The following SYN2 variants were observed in gnomAD, a reference collection of about 807,000 sequenced individuals.
The protein encoded by SYN2 is synapsin II, also known as synapsin-2.
In SYN2, 19 loss-of-function variants were observed where a neutral mutation model predicts 50.9. That is an observed-to-expected ratio of 0.37 (90% CI 0.26 to 0.55). SYN2 has a LOEUF of 0.55. SYN2 is among the 20% of genes least tolerant of loss of function. The pLI is 0.81. For missense variants in SYN2, 587 were observed against 576.4 expected, an observed-to-expected ratio of 1.02 and a Z score of -0.19; for synonymous variants, 255 against 224.9, an observed-to-expected ratio of 1.13 and a Z score of -1.20.
chr3:12,034,473 A>G (rs1694451500), intron 1 of SYN2, among the ~76,000 whole-genome samples: 1 of 152,184 alleles, frequency 6.6e-6, no homozygotes, highest in African/African-American at 2.4e-5. Flanking sequence ...TTGTGTTGCT[A>G]TAACAGAATA....
chr3:12,110,094 C>G (rs1344674090), intron 1 of SYN2, among the ~76,000 whole-genome samples: 1 of 152,114 alleles, frequency 6.6e-6, no homozygotes, highest in African/African-American at 2.4e-5. Flanking sequence ...GAGGCTGAGA[C>G]AAGAGGGTTG....
chr3:12,105,387 G>A (rs967768065), intron 1 of SYN2, among the ~76,000 whole-genome samples: 8 of 151,734 alleles, frequency 5.3e-5, no homozygotes, highest in Admixed American at 1.3e-4. Context: ...TTATCTATGC[G>A]CCATGGTTGG....
At chr3:12,061,586 T>G (rs1463855097) in intron 1 of SYN2, among the ~76,000 whole-genome samples, 3 of 152,058 alleles carry the variant, frequency 2.0e-5, no homozygotes, top group Non-Finnish European at 4.4e-5. Context: ...ATATATTTTG[T>G]GAAGTAAGAA....
At chr3:12,169,088 A>G (rs1257911197) in intron 9 of SYN2, among the ~76,000 whole-genome samples, 1 of 152,162 alleles carries the variant, frequency 6.6e-6, no homozygotes, top group Non-Finnish European at 1.5e-5. Context: ...TTCAGAATCT[A>G]TCTCATTTCC....
chr3:12,190,650 G>A lies in SYN2; in HGVS notation c.*25G>A. On this transcript the variant is annotated 3_prime_UTR_variant, in exon 13 of 13. Coordinates refer to ENST00000621198, the MANE Select transcript of SYN2 (RefSeq NM_133625.6). ...GCTCTTCAGACACACGGGGCACCCA[G>A]CCCAACCGGGAAAGGCATCTAAGAC... The A allele has an allele frequency of 6.2e-7, 1 of 1,605,088 alleles. No homozygotes were observed. Among genetic ancestry groups the A allele is most frequent in the Non-Finnish European group, 8.5e-7 (1 of 1,176,388 alleles).
Position 12,176,307 on chromosome 3 carries a change from G to A in SYN2, c.1308+6401G>A, listed in dbSNP as rs866550355. ...GGCATCTGGTCCTCTCCTTCATGTG[G>A]CTAATGTTTTTTTCATTTCTCATTA... On this transcript the variant is annotated intron_variant, in intron 10 of 12. Transcript: ENST00000621198. Among the ~76,000 whole-genome samples, 4 of 152,278 alleles carry A rather than the reference G, an allele frequency of 2.6e-5. No homozygotes were observed. In the Middle Eastern group the frequency reaches 0.01, roughly 388 times the overall value.
chr3:12,038,550 A>C (rs1019239931), intron 1 of SYN2, among the ~76,000 whole-genome samples: 10 of 151,968 alleles, frequency 6.6e-5, no homozygotes, highest in African/African-American at 2.2e-4. Context: ...ATGAACACAG[A>C]TTTTTTTCAT....
chr3:12,026,093 C>A (rs1216548481), intron 1 of SYN2, among the ~76,000 whole-genome samples: 1 of 152,116 alleles, frequency 6.6e-6, no homozygotes, highest in East Asian at 1.9e-4. Context: ...TTTCCTAATT[C>A]ATAAGAGAGT....
At chr3:12,131,095 G>A (rs1389435395) in intron 1 of SYN2, among the ~76,000 whole-genome samples, 2 of 152,206 alleles carry the variant, frequency 1.3e-5, no homozygotes, top group African/African-American at 4.8e-5. Context: ...TCTATCTGAG[G>A]AGACAAGTAG....
chr3:12,023,055 C>T (rs307610), intron 1 of SYN2, among the ~76,000 whole-genome samples: 118,730 of 152,054 alleles, frequency 0.78, 46,681 homozygotes, highest in Middle Eastern at 0.89. Context: ...CCCAGGAATA[C>T]GAGAACTGGC....
Position 12,008,705 on chromosome 3 carries a change from C to T in SYN2, c.377+3777C>T, listed in dbSNP as rs1693852309. 2.0e-5 allele frequency among the ~76,000 whole-genome samples: 3 copies of T among 152,204 alleles called. 1 individual carries two copies. In the South Asian group the frequency reaches 6.2e-4, roughly 32 times the overall value. On this transcript the variant is annotated intron_variant, in intron 1 of 12. Transcript: ENST00000621198. The stretch of plus-strand genomic sequence containing the variant: ...TTGTACCAATCTCATTTACTCTTTA[C>T]ATAGCAGTGTAATACTGCAGAAGTT...
intron 1 of SYN2, among the ~76,000 whole-genome samples, chr3:12,096,123 A>T (rs554260281): frequency 2.6e-5 from 4 of 152,294 alleles, no homozygotes; most frequent in African/African-American, 9.6e-5. Context: ...CAAATCTGTT[A>T]TACCTTTAGA....
At chr3:12,126,125 C>G (rs1258493205) in intron 1 of SYN2, among the ~76,000 whole-genome samples, 2 of 152,196 alleles carry the variant, frequency 1.3e-5, no homozygotes, top group Admixed American at 1.3e-4. Flanking sequence ...AGCACAGAAT[C>G]TGGAAACTGG....
chr3:12,084,192 A>G (rs186922329), intron 1 of SYN2, among the ~76,000 whole-genome samples: 93 of 152,164 alleles, frequency 6.1e-4, no homozygotes, highest in Non-Finnish European at 9.3e-4. Flanking sequence ...AACCATTTCT[A>G]ATTTTCTTAA....
intron 1 of SYN2, among the ~76,000 whole-genome samples, chr3:12,107,233 TTCC>T (rs1198370335): frequency 2.0e-5 from 3 of 152,230 alleles, no homozygotes; most frequent in Non-Finnish European, 4.4e-5. Flanking sequence ...GATTAGCCAT[TTCC>T]TCCAGATATC....
intron 1 of SYN2, among the ~76,000 whole-genome samples, chr3:12,052,735 C>T (rs1012561612): frequency 6.6e-6 from 1 of 152,116 alleles, no homozygotes; most frequent in Non-Finnish European, 1.5e-5. Context: ...TAGGAGCCAG[C>T]CTTGGTCATG....
At chr3:12,086,207 A>G (rs1695698168) in intron 1 of SYN2, among the ~76,000 whole-genome samples, 1 of 152,180 alleles carries the variant, frequency 6.6e-6, no homozygotes, top group South Asian at 2.1e-4. Flanking sequence ...AATAATGAGT[A>G]AGGAGATTGA....
rs368939495 is a variant in SYN2, at chr3:12,184,165, T to A, written c.1369+793T>A. ...ATTTCCAGGAATGTGTTCTGTATTTTACATCCCAGTGTACCCTTTATTTTA... is the reference window on the plus strand; with the variant it reads ...ATTTCCAGGAATGTGTTCTGTATTTAACATCCCAGTGTACCCTTTATTTTA... On this transcript the variant is annotated intron_variant, in intron 11 of 12. Coordinates refer to ENST00000621198, the MANE Select transcript of SYN2 (RefSeq NM_133625.6). The A allele has an allele frequency of 1.8e-5, 18 of 985,796 alleles. No individual in the cohort carries two copies. The African/African-American group carries it at 2.6e-4, about 14-fold the overall frequency. The allele number at this position is 985,796 out of a possible 1,614,324, so 61.1% of individuals were successfully genotyped here.
intron 10 of SYN2, among the ~76,000 whole-genome samples, chr3:12,171,186 A>C (rs927666617): frequency 1.3e-5 from 2 of 152,204 alleles, no homozygotes; most frequent in African/African-American, 4.8e-5. Flanking sequence ...GGTAACTAGG[A>C]AAATGAAAGT....
Sources: gnomAD v4.1 joint callset for allele counts (sites outside exome capture counted in the v4.1 genomes callset) on GRCh38, gnomAD v4.1.1 for gene constraint, MANE v1.5 for transcripts, NCBI Gene and HGNC (gene_info 2026-07-23, HGNC 2026-07-21) for gene names.